The following ZPBP variants were observed in gnomAD, a reference collection of about 807,000 sequenced individuals.
ZPBP encodes the protein zona pellucida-binding protein 1.
Under a neutral mutation model 44.8 loss-of-function variants are expected in ZPBP, and 26 were observed. That is an observed-to-expected ratio of 0.58 (90% CI 0.43 to 0.81). ZPBP has a LOEUF of 0.81. ZPBP is among the 30% of genes least tolerant of loss of function. The pLI is 0.00. For missense variants in ZPBP, 409 were observed against 434.0 expected, an observed-to-expected ratio of 0.94 and a Z score of 0.51; for synonymous variants, 174 against 153.2, an observed-to-expected ratio of 1.14 and a Z score of -1.00.
chr7:49,913,082 T>G (rs1218308102), intron 1 of ZPBP: 1 of 152,148 alleles, frequency 6.6e-6, no homozygotes, highest in Non-Finnish European at 1.5e-5. Context: ...ATACCTGAAA[T>G]CTAAATGTGC....
At chr7:49,877,534 G>T (rs1791489727) in intron 2 of ZPBP, among the ~76,000 whole-genome samples, 1 of 91,494 alleles carries the variant, frequency 1.1e-5, no homozygotes, top group Admixed American at 1.3e-4. Context: ...TTGGTCACTT[G>T]CTTACCTATT....
intron 2 of ZPBP, among the ~76,000 whole-genome samples, chr7:49,878,390 T>A (rs1019130057): frequency 6.6e-6 from 1 of 152,160 alleles, no homozygotes; most frequent in Non-Finnish European, 1.5e-5. Flanking sequence ...TTTCCTTTAG[T>A]AAAGACCTGA....
chr7:49,887,369 C>A (rs1297685221), intron 2 of ZPBP, among the ~76,000 whole-genome samples: 1 of 152,180 alleles, frequency 6.6e-6, no homozygotes, highest in African/African-American at 2.4e-5. Context: ...ATGATGACAC[C>A]ATTTGCTAGT....
At chr7:49,854,366 C>T (rs1306127300) in intron 2 of ZPBP, among the ~76,000 whole-genome samples, 1 of 152,178 alleles carries the variant, frequency 6.6e-6, no homozygotes, top group African/African-American at 2.4e-5. Context: ...ACATCCTCTC[C>T]AGCACCTGTT....
intron 6 of ZPBP, among the ~76,000 whole-genome samples, chr7:50,002,933 C>CA (rs1246009772): frequency 6.6e-6 from 1 of 151,894 alleles, no homozygotes; most frequent in East Asian, 1.9e-4. Flanking sequence ...GTTATGTTAC[C>CA]AAAAAATCTA....
intron 6 of ZPBP, among the ~76,000 whole-genome samples, chr7:50,003,521 C>T (rs1361362327): frequency 6.6e-6 from 1 of 152,186 alleles, no homozygotes; most frequent in African/African-American, 2.4e-5. Flanking sequence ...AATGTGCTTA[C>T]AGCATTCTAG....
intron 4 of ZPBP, among the ~76,000 whole-genome samples, chr7:50,033,792 A>AG (rs773524903): frequency 1.3e-5 from 2 of 151,954 alleles, no homozygotes; most frequent in Non-Finnish European, 2.9e-5. Context: ...TCCCAAGTTC[A>AG]AGTGATTCTC....
chr7:49,875,396 A>AAAAAC (rs1791370719), intron 2 of ZPBP, among the ~76,000 whole-genome samples: 4 of 148,718 alleles, frequency 2.7e-5, no homozygotes, highest in Non-Finnish European at 1.5e-5. Context: ...AAAAAAAAAA[A>AAAAAC]ACAGGAATAA....
chr7:49,990,376 C>T (rs1243567560), intron 6 of ZPBP, among the ~76,000 whole-genome samples: 1 of 152,154 alleles, frequency 6.6e-6, no homozygotes, highest in Non-Finnish European at 1.5e-5. Context: ...CTGTCGTAGT[C>T]ACCAGACTCA....
At chr7:50,007,519 C>T (rs899536824) in intron 6 of ZPBP, among the ~76,000 whole-genome samples, 3 of 151,956 alleles carry the variant, frequency 2.0e-5, no homozygotes, top group Admixed American at 6.6e-5. Flanking sequence ...AAGACAGAAG[C>T]CTCTAGACTC....
chr7:49,943,676 C>T lies in ZPBP; in HGVS notation c.962-6054G>A, dbSNP rs1794981611. 1.4e-5 allele frequency: 4 copies of T among 293,380 alleles called. No homozygotes were observed. The South Asian group carries it at 1.4e-4, about 10-fold the overall frequency. The allele number at this position is 293,380 out of a possible 1,614,324, so 18.2% of individuals were successfully genotyped here. On this transcript the variant is annotated intron_variant, in intron 7 of 7. Transcript: ENST00000046087. ...GCAACAAGGTCACATTTGTTATGTACAAACATAACGTGTTCCCAGGGTTTA... is the reference window on the plus strand; with the variant it reads ...GCAACAAGGTCACATTTGTTATGTATAAACATAACGTGTTCCCAGGGTTTA...
chr7:49,881,161 G>A (rs915866513), intron 2 of ZPBP, among the ~76,000 whole-genome samples: 8 of 152,062 alleles, frequency 5.3e-5, no homozygotes, highest in Admixed American at 3.3e-4. Flanking sequence ...CTGAGCCTTC[G>A]GGGCTACTAG....
In ZPBP at chr7:49,971,899, CAAG is replaced by C. The variant is rs140350974; in HGVS notation, c.961+11440_961+11442del. ...ATACTAAAGGACTATATACAATGAC[CAAG>C]AAGGTGTTATTTTCAGAATGTATGA... is the stretch of plus-strand genomic sequence containing the variant. On this transcript the variant is annotated intron_variant, in intron 7 of 7. Coordinates refer to ENST00000046087, the MANE Select transcript of ZPBP (RefSeq NM_007009.3). Among the ~76,000 whole-genome samples, 735 of 151,436 alleles carry C rather than the reference CAAG, an allele frequency of 4.9e-3. 12 individuals are homozygous for C. Among genetic ancestry groups the C allele is most frequent in the African/African-American group, 0.017 (700 of 41,306 alleles).
chr7:49,864,864 T>C (rs1384120800), intron 2 of ZPBP, among the ~76,000 whole-genome samples: 1 of 152,222 alleles, frequency 6.6e-6, no homozygotes, highest in Non-Finnish European at 1.5e-5. Context: ...CATTTTTAAG[T>C]TGCCTTGTTC....
intron 2 of ZPBP, among the ~76,000 whole-genome samples, chr7:49,852,486 C>T (rs1368188280): frequency 4.6e-5 from 7 of 152,176 alleles, no homozygotes. Context: ...TAATTTCTTT[C>T]CATCTTTAAA....
intron 6 of ZPBP, 39 bp from the exon 7 acceptor site, chr7:49,983,558 A>G: frequency 7.5e-7 from 1 of 1,340,724 alleles, no homozygotes; most frequent in Non-Finnish European, 1.0e-6. Flanking sequence ...GTTAGCCATA[A>G]AAAATGTAAT....
At chr7:50,063,196 C>T (rs1004627988) in intron 3 of ZPBP, among the ~76,000 whole-genome samples, 4 of 152,222 alleles carry the variant, frequency 2.6e-5, no homozygotes, top group African/African-American at 9.6e-5. Context: ...ATAAGGCTCA[C>T]TAGCCACAGA....
intron 2 of ZPBP, among the ~76,000 whole-genome samples, chr7:49,852,007 C>T (rs1205837017): frequency 6.6e-6 from 1 of 152,226 alleles, no homozygotes; most frequent in Non-Finnish European, 1.5e-5. Context: ...CTGTAGATCA[C>T]TGCTGTCAGC....
chr7:49,981,292 ATAT>A lies in ZPBP; in HGVS notation c.961+2047_961+2049del, dbSNP rs1298668300. ...TCAGATATAATATATATTATATAAT[ATAT>A]ATTATATATAATTATATATTATATA... On this transcript the variant is annotated intron_variant, in intron 7 of 7. Transcript: ENST00000046087. Among the ~76,000 whole-genome samples, 347 of 80,662 alleles carry A rather than the reference ATAT, an allele frequency of 4.3e-3. 22 individuals carry two copies. The South Asian group carries it at 0.12, about 28-fold the overall frequency. 52.9% of individuals were successfully genotyped at this position (80,662 alleles called of 152,430 possible). A position where few individuals can be genotyped will look rare whatever the true frequency, so the allele number is the denominator to read the frequency against.
Sources: gnomAD v4.1 joint callset for allele counts (sites outside exome capture counted in the v4.1 genomes callset) on GRCh38, gnomAD v4.1.1 for gene constraint, MANE v1.5 for transcripts, NCBI Gene and HGNC (gene_info 2026-07-23, HGNC 2026-07-21) for gene names.